FNDC3B: variants seen among roughly 807,000 people sequenced by gnomAD.
The protein encoded by FNDC3B is fibronectin type III domain containing 3B.
Under a neutral mutation model 151.5 loss-of-function variants are expected in FNDC3B, and 12 were observed. The ratio of observed to expected loss-of-function variants is 0.08; its 90% confidence interval spans 0.05 to 0.13. FNDC3B has a LOEUF of 0.13. Among genes scored for constraint, FNDC3B ranks in the 10% least tolerant of loss-of-function variants. The probability of loss-of-function intolerance (pLI) is 1.00; values close to 1 mark genes in which losing one functional copy is unlikely to be tolerated. For missense variants in FNDC3B, 1,214 were observed against 1,505.3 expected (o/e 0.81, Z 3.20); for synonymous variants, 528 against 549.0 (o/e 0.96, Z 0.54).
rs148298437 is a variant in FNDC3B, at chr3:172,055,341, A to T, written c.-29+15570A>T. On this transcript the variant is annotated intron_variant, in intron 1 of 25. Coordinates refer to ENST00000415807, the MANE Select transcript of FNDC3B (RefSeq NM_022763.4). ...TTTGGACCTATTTTCTTGCTATGTGATTATTGTCCTGTATCTTTAATTACA... is the reference window on the plus strand; with the variant it reads ...TTTGGACCTATTTTCTTGCTATGTGTTTATTGTCCTGTATCTTTAATTACA... 1.5e-3 allele frequency among the ~76,000 whole-genome samples: 225 copies of T among 152,152 alleles called. 6 individuals are homozygous for T. In the East Asian group the frequency reaches 0.037, roughly 25 times the overall value.
intron 1 of FNDC3B, among the ~76,000 whole-genome samples, chr3:172,045,423 C>T (rs997676155): frequency 1.3e-5 from 2 of 151,844 alleles, no homozygotes; most frequent in Non-Finnish European, 1.5e-5. Flanking sequence ...TTTGAGGTGG[C>T]GGGAAAAAGT....
chr3:172,118,746 C>G (rs1235627000), intron 2 of FNDC3B, among the ~76,000 whole-genome samples: 2 of 152,198 alleles, frequency 1.3e-5, no homozygotes, highest in East Asian at 1.9e-4. Flanking sequence ...AATGCACAAC[C>G]TGTGCAAATA....
chr3:172,049,588 C>T (rs535792023), intron 1 of FNDC3B, among the ~76,000 whole-genome samples: 5 of 152,140 alleles, frequency 3.3e-5, no homozygotes, highest in African/African-American at 1.2e-4. Context: ...AGTGCAATGG[C>T]GCGATCTCGG....
chr3:172,066,378 C>T (rs1172024338), intron 1 of FNDC3B, among the ~76,000 whole-genome samples: 1 of 152,214 alleles, frequency 6.6e-6, no homozygotes, highest in Admixed American at 6.5e-5. Flanking sequence ...CGATGTGATT[C>T]CTATTTTCCT....
chr3:172,090,704 G>A (rs1009955571), intron 1 of FNDC3B, among the ~76,000 whole-genome samples: 3 of 152,096 alleles, frequency 2.0e-5, no homozygotes, highest in African/African-American at 7.2e-5. Flanking sequence ...TACAGATTGA[G>A]TATCTGCAAT....
chr3:172,234,327 T>C (rs1727031672), intron 4 of FNDC3B, among the ~76,000 whole-genome samples: 1 of 152,246 alleles, frequency 6.6e-6, no homozygotes, highest in African/African-American at 2.4e-5. Context: ...TTGTGTGTCC[T>C]GTTCAGTCCT....
At chr3:172,104,561 T>C (rs546720960) in intron 1 of FNDC3B, among the ~76,000 whole-genome samples, 4 of 152,262 alleles carry the variant, frequency 2.6e-5, no homozygotes, top group South Asian at 4.1e-4. Context: ...AGCGATTAGC[T>C]CAAGGAAAAG....
chr3:172,190,536 G>C (rs997434758), intron 3 of FNDC3B, among the ~76,000 whole-genome samples: 3 of 152,152 alleles, frequency 2.0e-5, no homozygotes, highest in African/African-American at 7.2e-5. Flanking sequence ...ATATTAAAAG[G>C]CTCAAGTGGA....
At chr3:172,066,313 A>G (rs1285299431) in intron 1 of FNDC3B, among the ~76,000 whole-genome samples, 1 of 152,236 alleles carries the variant, frequency 6.6e-6, no homozygotes, top group Admixed American at 6.5e-5. Context: ...GCATTAGAGC[A>G]TCTTAAATTC....
At chr3:172,359,770 A>G (rs149588792) in intron 22 of FNDC3B, among the ~76,000 whole-genome samples, 1 of 152,316 alleles carries the variant, frequency 6.6e-6, no homozygotes, top group Non-Finnish European at 1.5e-5. Flanking sequence ...TCAGTGTTAT[A>G]CCGAGAGACT....
At chr3:172,130,793 A>G (rs1721048401) in intron 2 of FNDC3B, among the ~76,000 whole-genome samples, 1 of 152,212 alleles carries the variant, frequency 6.6e-6, no homozygotes, top group Non-Finnish European at 1.5e-5. Context: ...AGAAGAGAGT[A>G]TATGAATTTG....
intron 3 of FNDC3B, among the ~76,000 whole-genome samples, chr3:172,206,503 A>G (rs1725433479): frequency 6.6e-6 from 1 of 152,042 alleles, no homozygotes; most frequent in African/African-American, 2.4e-5. Flanking sequence ...TACTAAAAAT[A>G]CAAAAATTAG....
chr3:172,363,697 T>C (rs923246869), intron 23 of FNDC3B, among the ~76,000 whole-genome samples: 1 of 152,230 alleles, frequency 6.6e-6, no homozygotes, highest in African/African-American at 2.4e-5. Flanking sequence ...TTCCTTCACG[T>C]ATGGAACCCA....
chr3:172,247,117 G>A (rs1318649321), intron 4 of FNDC3B, among the ~76,000 whole-genome samples: 1 of 152,176 alleles, frequency 6.6e-6, no homozygotes, highest in Non-Finnish European at 1.5e-5. Context: ...CCCTGGAAAA[G>A]TACTTAGGTG....
chr3:172,392,810 C>CTTTTT (rs1167627679), intron 25 of FNDC3B, among the ~76,000 whole-genome samples: 3 of 99,896 alleles, frequency 3.0e-5, no homozygotes, highest in Non-Finnish European at 3.7e-5. Context: ...TTTTTTTTTT[C>CTTTTT]TTTTTTTTTT....
At chr3:172,149,811 T>TTTTG (rs1722119319) in intron 3 of FNDC3B, among the ~76,000 whole-genome samples, 1 of 53,460 alleles carries the variant, frequency 1.9e-5, no homozygotes, top group African/African-American at 7.9e-5. Context: ...TGGGTGTTTT[T>TTTTG]TTTTTTTTTT....
chr3:172,297,413 C>T (rs1346711166), intron 8 of FNDC3B, among the ~76,000 whole-genome samples: 1 of 152,144 alleles, frequency 6.6e-6, no homozygotes, highest in Non-Finnish European at 1.5e-5. Context: ...ACTTTATACT[C>T]TGCTTTATCA....
At chr3:172,111,266 G>T (rs1225726723) in intron 1 of FNDC3B, among the ~76,000 whole-genome samples, 1 of 152,082 alleles carries the variant, frequency 6.6e-6, no homozygotes, top group Non-Finnish European at 1.5e-5. Context: ...AAACAATTAA[G>T]TCATGATAGT....
chr3:172,258,243 C>T (rs749082058), intron 6 of FNDC3B, among the ~76,000 whole-genome samples: 49 of 152,180 alleles, frequency 3.2e-4, no homozygotes, highest in Non-Finnish European at 7.3e-5. Context: ...TTTTAGATCA[C>T]ATTCCACGAC....
Sources: gnomAD v4.1 joint callset for allele counts (sites outside exome capture counted in the v4.1 genomes callset) on GRCh38, gnomAD v4.1.1 for gene constraint, MANE v1.5 for transcripts, NCBI Gene and HGNC (gene_info 2026-07-23, HGNC 2026-07-21) for gene names.